Variants in DPF3 observed in about 807,000 individuals in gnomAD.
DPF3 encodes double PHD fingers 3.
Under a neutral mutation model 56.8 loss-of-function variants are expected in DPF3, and 18 were observed. That is an observed-to-expected ratio of 0.32 (90% CI 0.22 to 0.47). The LOEUF (loss-of-function observed/expected upper bound fraction) is 0.47. Among genes scored for constraint, DPF3 ranks in the 20% least tolerant of loss-of-function variants. DPF3 has a pLI of 1.00. For missense variants in DPF3, 403 were observed against 488.8 expected (o/e 0.82, Z 1.65); for synonymous variants, 188 against 180.2 (o/e 1.04, Z -0.35).
intron 3 of DPF3, among the ~76,000 whole-genome samples, chr14:72,746,150 C>CA (rs1890315323): frequency 6.6e-6 from 1 of 152,270 alleles, no homozygotes; most frequent in South Asian, 2.1e-4. Flanking sequence ...ATGTGCTAGT[C>CA]AAGGCCCTGG....
intron 2 of DPF3, among the ~76,000 whole-genome samples, chr14:72,768,350 C>T (rs566421017): frequency 2.0e-3 from 301 of 152,234 alleles, no homozygotes; most frequent in Admixed American, 3.6e-3. Context: ...CTTAAGACAA[C>T]TATATTATAA....
At chr14:72,842,232 C>A (rs984803516) in intron 1 of DPF3, among the ~76,000 whole-genome samples, 1 of 152,098 alleles carries the variant, frequency 6.6e-6, no homozygotes. Flanking sequence ...CCCAGTAACT[C>A]CCCTGCAAGG....
At chr14:72,848,252 C>A (rs1311464114) in intron 1 of DPF3, among the ~76,000 whole-genome samples, 1 of 152,098 alleles carries the variant, frequency 6.6e-6, no homozygotes, top group Non-Finnish European at 1.5e-5. Context: ...CAACCTCTGC[C>A]TCCTGGGTTC....
chr14:72,754,785 T>C (rs1890721642), intron 2 of DPF3, among the ~76,000 whole-genome samples: 1 of 152,222 alleles, frequency 6.6e-6, no homozygotes, highest in Non-Finnish European at 1.5e-5. Flanking sequence ...TACCCATTTA[T>C]TGGGATGGGG....
chr14:72,853,235 CAA>C (rs1243617469), intron 1 of DPF3: 1 of 150,152 alleles, frequency 6.7e-6, no homozygotes, highest in African/African-American at 2.5e-5. Flanking sequence ...TAAGACTAGT[CAA>C]GAGCAGCAGT....
At chr14:72,705,232 G>A (rs577962690) in intron 6 of DPF3, among the ~76,000 whole-genome samples, 1 of 152,122 alleles carries the variant, frequency 6.6e-6, no homozygotes, top group East Asian at 1.9e-4. Context: ...ATTCTAACAG[G>A]AGCACAAACC....
At chr14:72,671,260 G>A in intron 8 of DPF3, 2 of 1,613,988 alleles carry the variant, frequency 1.2e-6, no homozygotes, top group South Asian at 1.1e-5. Flanking sequence ...ACTTTCTGAC[G>A]TGGAACCGAA....
At chr14:72,650,534 C>A (rs771115723) in intron 8 of DPF3, among the ~76,000 whole-genome samples, 1 of 152,168 alleles carries the variant, frequency 6.6e-6, no homozygotes, top group Non-Finnish European at 1.5e-5. Flanking sequence ...TAGACAAGCT[C>A]TAGGGTCTTT....
chr14:72,738,852 A>G (rs964338122), intron 3 of DPF3, among the ~76,000 whole-genome samples: 2 of 152,220 alleles, frequency 1.3e-5, no homozygotes, highest in Non-Finnish European at 2.9e-5. Context: ...CAATGTATAT[A>G]TATATTTAAA....
chr14:72,645,819 T>G (rs1885707992), intron 8 of DPF3, among the ~76,000 whole-genome samples: 1 of 151,632 alleles, frequency 6.6e-6, no homozygotes, highest in Admixed American at 6.6e-5. Context: ...AAACCACTCT[T>G]CTTTTTGACT....
At chr14:72,623,925 A>G (rs74062316) in intron 9 of DPF3, among the ~76,000 whole-genome samples, 1 of 152,070 alleles carries the variant, frequency 6.6e-6, no homozygotes, top group Admixed American at 6.5e-5. Context: ...TACATATTAC[A>G]AAGTAAGGAA....
intron 6 of DPF3, among the ~76,000 whole-genome samples, chr14:72,711,606 A>T (rs530217370): frequency 2.0e-5 from 3 of 152,098 alleles, no homozygotes; most frequent in Admixed American, 6.5e-5. Flanking sequence ...AATTCCAAGC[A>T]GGGTGCCATA....
intron 7 of DPF3, among the ~76,000 whole-genome samples, chr14:72,686,365 C>G (rs1887410843): frequency 6.6e-6 from 1 of 152,236 alleles, no homozygotes; most frequent in African/African-American, 2.4e-5. Context: ...TTCACATTAT[C>G]TCATTTAAGA....
chr14:72,650,035 C>T (rs1220011838), intron 8 of DPF3, among the ~76,000 whole-genome samples: 2 of 152,172 alleles, frequency 1.3e-5, no homozygotes, highest in Non-Finnish European at 2.9e-5. Context: ...CCGGTGGCCT[C>T]CCCTGCCAGA....
chr14:72,883,926 C>CAAAAAAA (rs5809597), intron 1 of DPF3, among the ~76,000 whole-genome samples: 6 of 121,542 alleles, frequency 4.9e-5, no homozygotes, highest in South Asian at 2.8e-4. Context: ...GACTCTGTCT[C>CAAAAAAA]AAAAAAAAAA....
chr14:72,639,970 G>A (rs1194924403), intron 8 of DPF3, among the ~76,000 whole-genome samples: 1 of 144,192 alleles, frequency 6.9e-6, no homozygotes. Flanking sequence ...AATAATGCTG[G>A]AGAGGCTCAG....
In DPF3 at chr14:72,875,428, G is replaced by A. The variant is rs185150894; in HGVS notation, c.32+18629C>T. Among the ~76,000 whole-genome samples, 22 of 152,188 alleles carry A rather than the reference G, an allele frequency of 1.4e-4. 1 individual carries two copies. The East Asian group carries it at 2.1e-3, about 15-fold the overall frequency. On this transcript the variant is annotated intron_variant, in intron 1 of 10. Transcript: ENST00000556509. ...TCTCAAAAAAAGGATATTGTGTGCCGACTCTACTAAGCACTTTACATACAT... is the reference window on the plus strand; with the variant it reads ...TCTCAAAAAAAGGATATTGTGTGCCAACTCTACTAAGCACTTTACATACAT...
intron 1 of DPF3, among the ~76,000 whole-genome samples, chr14:72,864,733 C>T (rs951909922): frequency 2.0e-5 from 3 of 152,098 alleles, no homozygotes; most frequent in African/African-American, 7.2e-5. Flanking sequence ...TCAGTAGGAG[C>T]CATCAAAAGT....
intron 1 of DPF3, among the ~76,000 whole-genome samples, chr14:72,848,224 C>T (rs965807026): frequency 6.6e-6 from 1 of 151,928 alleles, no homozygotes; most frequent in Admixed American, 6.6e-5. Flanking sequence ...AGTGCAATGG[C>T]GCGATCTCGG....
Sources: gnomAD v4.1 joint callset for allele counts (sites outside exome capture counted in the v4.1 genomes callset) on GRCh38, gnomAD v4.1.1 for gene constraint, MANE v1.5 for transcripts, NCBI Gene and HGNC (gene_info 2026-07-23, HGNC 2026-07-21) for gene names.